PKD2L2: variants seen among roughly 807,000 people sequenced by gnomAD.
PKD2L2 encodes the protein polycystin 2 like 2, transient receptor potential cation channel.
Under a neutral mutation model 83.9 loss-of-function variants are expected in PKD2L2, and 67 were observed. That is an observed-to-expected ratio of 0.80 (90% CI 0.66 to 0.98). The LOEUF (loss-of-function observed/expected upper bound fraction) is 0.98, where lower values mean the gene tolerates loss of function less well. Ranked by LOEUF, PKD2L2 falls within the 50% of genes least tolerant of loss-of-function variation. The pLI, the probability that PKD2L2 is intolerant of heterozygous loss-of-function variation, is 0.00. For synonymous variants in PKD2L2, 223 were observed against 237.8 expected (o/e 0.94, Z 0.57); for missense variants, 632 against 717.2 (o/e 0.88, Z 1.36).
At chr5:137,926,229 CT>C (rs1361823663) in intron 12 of PKD2L2, among the ~76,000 whole-genome samples, 1 of 152,142 alleles carries the variant, frequency 6.6e-6, no homozygotes, top group Non-Finnish European at 1.5e-5. Flanking sequence ...GATAACTTTT[CT>C]CTTCTAATCA....
intron 8 of PKD2L2, among the ~76,000 whole-genome samples, chr5:137,912,567 A>G (rs753550218): frequency 2.3e-4 from 35 of 151,830 alleles, no homozygotes; most frequent in Non-Finnish European, 4.1e-4. Flanking sequence ...GGGTTTTACC[A>G]TGTTAGCCAG....
intron 8 of PKD2L2, among the ~76,000 whole-genome samples, chr5:137,921,124 G>A (rs1758855813): frequency 6.6e-6 from 1 of 152,148 alleles, no homozygotes; most frequent in East Asian, 1.9e-4. Flanking sequence ...ACTTTGGGAG[G>A]CCGAGGTGGG....
chr5:137,899,786 A>C, intron 5 of PKD2L2, 49 bp downstream of exon 5: 1 of 996,336 alleles, frequency 1.0e-6, no homozygotes, highest in Non-Finnish European at 1.5e-6. Context: ...ATGGCCTACA[A>C]AACTTCTTTA....
chr5:137,930,732 T>C (rs1052622803), intron 12 of PKD2L2, among the ~76,000 whole-genome samples: 1 of 149,168 alleles, frequency 6.7e-6, no homozygotes, highest in Non-Finnish European at 1.5e-5. Flanking sequence ...AAACACCATG[T>C]AGCAGAATCT....
chr5:137,891,059 A>G (rs1328923087), intron 2 of PKD2L2, among the ~76,000 whole-genome samples: 2 of 152,202 alleles, frequency 1.3e-5, no homozygotes, highest in Non-Finnish European at 2.9e-5. Flanking sequence ...CAATGCAAAT[A>G]ATTAAGGAGG....
intron 8 of PKD2L2, among the ~76,000 whole-genome samples, chr5:137,916,970 T>C (rs531649329): frequency 6.6e-6 from 1 of 152,254 alleles, no homozygotes; most frequent in East Asian, 1.9e-4. Context: ...GAGTTCATTC[T>C]ATTGGAGTTC....
intron 8 of PKD2L2, among the ~76,000 whole-genome samples, chr5:137,913,067 G>C (rs1333751915): frequency 6.0e-5 from 9 of 151,136 alleles, no homozygotes; most frequent in Non-Finnish European, 1.0e-4. Flanking sequence ...TGGAGATGGG[G>C]TTTCACCATG....
intron 1 of PKD2L2, 74 bp downstream of exon 1, chr5:137,889,596 C>A: frequency 1.5e-6 from 2 of 1,331,506 alleles, no homozygotes; most frequent in Non-Finnish European, 2.0e-6. Context: ...AGGAACTCTG[C>A]GGCCCCAAAT....
At chr5:137,904,033 G>A (rs1757170199) in intron 5 of PKD2L2, among the ~76,000 whole-genome samples, 1 of 152,206 alleles carries the variant, frequency 6.6e-6, no homozygotes, top group African/African-American at 2.4e-5. Flanking sequence ...TGGGATTACA[G>A]ACGTGAGCCA....
chr5:137,906,388 C>T lies in PKD2L2; in HGVS notation c.929C>T (p.Ala310Val). 6.2e-7 allele frequency: 1 copy of T among 1,609,546 alleles called. No individual in the cohort carries two copies. The highest frequency in any genetic ancestry group is 8.5e-7 in the Non-Finnish European group (1 of 1,176,604). ...EVKKIKEFKS[A>V]YFKSIWNWLE... ...AAAAAAATAAAAGAATTTAAGTCTG[C>T]CTATTTCAAAAGTATTTGGAACTGG... Residue 310 changes from alanine to valine, a missense_variant, in exon 6 of 15, where the codon GCC (alanine) becomes GTC (valine). Coordinates refer to ENST00000508883, the MANE Select transcript of PKD2L2 (RefSeq NM_001300921.2).
chr5:137,936,154 C>T (rs17523049), intron 13 of PKD2L2, among the ~76,000 whole-genome samples, 166 bp from the exon 14 acceptor site: 34,916 of 152,112 alleles, frequency 0.23, 4,225 homozygotes, highest in African/African-American at 0.28. Context: ...ATAACAGATC[C>T]TGTTCTCCAC....
intron 12 of PKD2L2, among the ~76,000 whole-genome samples, chr5:137,935,029 C>T (rs991191351): frequency 1.3e-5 from 2 of 152,202 alleles, no homozygotes; most frequent in African/African-American, 4.8e-5. Context: ...GTAATCATAA[C>T]CCTTATAAAG....
At chr5:137,902,889 T>C (rs1479877631) in intron 5 of PKD2L2, among the ~76,000 whole-genome samples, 1 of 152,212 alleles carries the variant, frequency 6.6e-6, no homozygotes, top group Non-Finnish European at 1.5e-5. Context: ...AGAAATAAAT[T>C]TCTTTGTTGT....
Position 137,899,658 on chromosome 5 carries a change from T to C in PKD2L2, c.667T>C (p.Trp223Arg). The change falls in exon 5 of 15, where the codon TGG (tryptophan) becomes CGG (arginine). Residue 223 changes from tryptophan to arginine, a missense_variant. Trp to Arg is a moderately radical substitution (Grantham distance 101). Around this residue, in one of 3 missense-constraint regions of PKD2L2, gnomAD observed 229 missense variants for 281.5 expected, o/e 0.81. Coordinates refer to ENST00000508883, the MANE Select transcript of PKD2L2 (RefSeq NM_001300921.2). ...GTTCATTGACCTTCGACTGAACAGC[T>C]GGATCACAAGAGGGACTAGAGTTAT... The part of the protein sequence containing the change: ...NKFIDLRLNS[W>R]ITRGTRVIFI... 1.2e-6 allele frequency: 2 copies of C among 1,613,484 alleles called. No homozygotes were observed. The highest frequency in any genetic ancestry group is 1.7e-6 in the Non-Finnish European group (2 of 1,179,350).
chr5:137,889,591 C>G (rs1755756057), intron 1 of PKD2L2, 69 bp downstream of exon 1: 2 of 1,351,152 alleles, frequency 1.5e-6, no homozygotes, highest in Non-Finnish European at 2.0e-6. Flanking sequence ...CTGAAAGGAA[C>G]TCTGCGGCCC....
At chr5:137,910,026 C>G (rs1757683343) in intron 8 of PKD2L2, among the ~76,000 whole-genome samples, 2 of 151,824 alleles carry the variant, frequency 1.3e-5, no homozygotes, top group African/African-American at 4.8e-5. Context: ...AGTTCAAGAC[C>G]AACCTGGGCA....
chr5:137,934,905 T>G (rs1198967550), intron 12 of PKD2L2, among the ~76,000 whole-genome samples: 2 of 151,042 alleles, frequency 1.3e-5, no homozygotes, highest in African/African-American at 4.9e-5. Context: ...GAAAAAAAAA[T>G]GTTGGTTTAA....
At chr5:137,909,000 A>T in intron 8 of PKD2L2, 54 bp downstream of exon 8, 2 of 1,063,378 alleles carry the variant, frequency 1.9e-6, no homozygotes, top group Non-Finnish European at 2.8e-6. Flanking sequence ...TACAAAAAAA[A>T]TTGGAAAGGT....
At chr5:137,919,047 C>A (rs1758652428) in intron 8 of PKD2L2, among the ~76,000 whole-genome samples, 1 of 151,896 alleles carries the variant, frequency 6.6e-6, no homozygotes, top group Non-Finnish European at 1.5e-5. Flanking sequence ...AATTGCTACA[C>A]CCTCAAGTTA....
Sources: gnomAD v4.1 joint callset for allele counts (sites outside exome capture counted in the v4.1 genomes callset) on GRCh38, gnomAD v4.1.1 for gene constraint, gnomAD v4.1.1 regional missense constraint, MANE v1.5 for transcripts, NCBI Gene and HGNC (gene_info 2026-07-23, HGNC 2026-07-21) for gene names.